Variants in GALNT17 observed in about 807,000 individuals in gnomAD.
GALNT17 encodes polypeptide N-acetylgalactosaminyltransferase 17.
GALNT17 carries 29 observed loss-of-function variants against 63.7 expected under a neutral mutation model. The observed-to-expected ratio is 0.46, with a 90% CI of 0.34 to 0.62. GALNT17 has a LOEUF of 0.62. Among genes scored for constraint, GALNT17 ranks in the 20% least tolerant of loss-of-function variants. The pLI is 0.01. For synonymous variants in GALNT17, 305 were observed against 318.3 expected (o/e 0.96, Z 0.45); for missense variants, 603 against 799.6 (o/e 0.75, Z 2.97).
chr7:71,321,898 C>CCTTCCTTCCTTCCTTCCTTCCTTT (rs1791616084), intron 1 of GALNT17, among the ~76,000 whole-genome samples: 1 of 96,126 alleles, frequency 1.0e-5, no homozygotes, highest in Non-Finnish European at 2.1e-5. Context: ...TTCCTTCCTT[C>CCTTCCTTCCTTCCTTCCTTCCTTT]CTTCCTTCCT....
intron 5 of GALNT17, among the ~76,000 whole-genome samples, chr7:71,422,633 A>G (rs1457226263): frequency 6.6e-6 from 1 of 152,248 alleles, no homozygotes; most frequent in Non-Finnish European, 1.5e-5. Flanking sequence ...CTCCGACCCC[A>G]TGGCGGTCTC....
intron 1 of GALNT17, among the ~76,000 whole-genome samples, chr7:71,294,058 A>G (rs1791032399): frequency 6.6e-6 from 1 of 151,886 alleles, no homozygotes. Context: ...GCTACTTGGG[A>G]GGCTGAGGCA....
intron 2 of GALNT17, among the ~76,000 whole-genome samples, chr7:71,354,000 G>T (rs780722053): frequency 1.2e-4 from 19 of 152,100 alleles, no homozygotes; most frequent in Non-Finnish European, 2.6e-4. Flanking sequence ...CACATGGTGG[G>T]AGCAGGATCA....
chr7:71,302,634 A>AC (rs925957767), intron 1 of GALNT17, among the ~76,000 whole-genome samples: 15 of 152,242 alleles, frequency 9.9e-5, no homozygotes, highest in African/African-American at 3.6e-4. Context: ...TAATGGGGAG[A>AC]CAAAGCTAGG....
intron 1 of GALNT17, among the ~76,000 whole-genome samples, chr7:71,173,181 G>T (rs1462677191): frequency 6.6e-6 from 1 of 152,128 alleles, no homozygotes; most frequent in Non-Finnish European, 1.5e-5. Flanking sequence ...TATTGATTTG[G>T]TTGTTTCTTT....
chr7:71,349,050 A>C (rs1360297998), intron 2 of GALNT17, among the ~76,000 whole-genome samples: 1 of 152,236 alleles, frequency 6.6e-6, no homozygotes, highest in Non-Finnish European at 1.5e-5. Context: ...CAGTGGACAG[A>C]TAGTTACGTG....
intron 1 of GALNT17, among the ~76,000 whole-genome samples, chr7:71,231,907 G>T (rs1789796754): frequency 6.6e-6 from 1 of 152,028 alleles, no homozygotes. Context: ...CCATGACATT[G>T]CAGGGATATA....
At chr7:71,342,567 C>G (rs1792024838) in intron 2 of GALNT17, among the ~76,000 whole-genome samples, 1 of 152,164 alleles carries the variant, frequency 6.6e-6, no homozygotes, top group Non-Finnish European at 1.5e-5. Flanking sequence ...AATAAACAAA[C>G]TATACTTCCC....
chr7:71,343,848 A>G (rs2178699), intron 2 of GALNT17, among the ~76,000 whole-genome samples: 151,860 of 152,232 alleles, frequency 1, 75,747 homozygotes, highest in Middle Eastern at 1. Flanking sequence ...TGCTAAATAT[A>G]TTACATTTTA....
intron 1 of GALNT17, among the ~76,000 whole-genome samples, chr7:71,206,651 T>C (rs1191217782): frequency 2.0e-5 from 3 of 152,136 alleles, no homozygotes; most frequent in Non-Finnish European, 4.4e-5. Context: ...AGTTTTATTG[T>C]CAGGGCGACC....
At chr7:71,367,047 C>G (rs1476351882) in intron 2 of GALNT17, among the ~76,000 whole-genome samples, 1 of 152,170 alleles carries the variant, frequency 6.6e-6, no homozygotes, top group African/African-American at 2.4e-5. Context: ...ACATTTTGTT[C>G]TACCTATTGG....
intron 3 of GALNT17, among the ~76,000 whole-genome samples, chr7:71,400,133 A>T (rs1380185159): frequency 6.6e-6 from 1 of 151,994 alleles, no homozygotes; most frequent in African/African-American, 2.4e-5. Flanking sequence ...TATTTCTCCT[A>T]ATGCTCTCCC....
chr7:71,187,461 TGAGTTACGCTCACTTC>T (rs201519196), intron 1 of GALNT17, among the ~76,000 whole-genome samples: 3,209 of 152,204 alleles, frequency 0.021, 36 homozygotes, highest in Middle Eastern at 0.041. Context: ...AAATTTCTTC[TGAGTTACGCTCACTTC>T]TCTCTGCTTC....
chr7:71,569,962 T>C (rs1435751088), intron 5 of GALNT17, among the ~76,000 whole-genome samples: 1 of 152,198 alleles, frequency 6.6e-6, no homozygotes, highest in Non-Finnish European at 1.5e-5. Flanking sequence ...CCAAACTGCT[T>C]TCCACAGGGT....
At chr7:71,235,797 C>T (rs1398654485) in intron 1 of GALNT17, among the ~76,000 whole-genome samples, 4 of 152,182 alleles carry the variant, frequency 2.6e-5, no homozygotes, top group Non-Finnish European at 5.9e-5. Flanking sequence ...CCTCAAGCTC[C>T]ACTCCTTCTT....
At chr7:71,371,113 T>G (rs1792613781) in intron 2 of GALNT17, among the ~76,000 whole-genome samples, 1 of 152,214 alleles carries the variant, frequency 6.6e-6, no homozygotes, top group Non-Finnish European at 1.5e-5. Context: ...GTGGCATCAG[T>G]GGGCAATTGT....
intron 5 of GALNT17, among the ~76,000 whole-genome samples, chr7:71,442,733 G>T (rs1787090766): frequency 6.6e-6 from 1 of 152,140 alleles, no homozygotes. Flanking sequence ...CAGAGAGGTT[G>T]CAACAAGCTT....
At chr7:71,660,580 A>G (rs1035498061) in intron 6 of GALNT17, among the ~76,000 whole-genome samples, 4 of 152,192 alleles carry the variant, frequency 2.6e-5, no homozygotes, top group African/African-American at 9.6e-5. Flanking sequence ...TGGGATACTC[A>G]TAGCTGGGTC....
chr7:71,215,413 G>T (rs142159080), intron 1 of GALNT17, among the ~76,000 whole-genome samples: 68 of 152,106 alleles, frequency 4.5e-4, no homozygotes, highest in African/African-American at 1.5e-3. Context: ...TGTATTTTAT[G>T]TTTTTTCCTG....
Sources: gnomAD v4.1 joint callset for allele counts (sites outside exome capture counted in the v4.1 genomes callset) on GRCh38, gnomAD v4.1.1 for gene constraint, MANE v1.5 for transcripts, NCBI Gene and HGNC (gene_info 2026-07-23, HGNC 2026-07-21) for gene names.